Variants in PKNOX2 observed in about 807,000 individuals in gnomAD.
PKNOX2 encodes homeobox protein PKNOX2.
PKNOX2 carries 14 observed loss-of-function variants against 53.1 expected under a neutral mutation model. The observed-to-expected ratio is 0.26, with a 90% confidence interval of 0.17 to 0.41. PKNOX2 has a LOEUF of 0.41. Ranked by LOEUF, PKNOX2 falls within the 10% of genes least tolerant of loss-of-function variation. PKNOX2 has a pLI of 1.00. For missense variants in PKNOX2, 496 were observed against 602.8 expected (o/e 0.82, Z 1.85); for synonymous variants, 257 against 242.8 (o/e 1.06, Z -0.54).
intron 2 of PKNOX2, among the ~76,000 whole-genome samples, chr11:125,241,543 G>C (rs192149161): frequency 6.6e-6 from 1 of 152,140 alleles, no homozygotes; most frequent in Non-Finnish European, 1.5e-5. Flanking sequence ...GTCATAACAG[G>C]CACCCTACAA....
At chr11:125,302,203 G>A (rs890387316) in intron 2 of PKNOX2, among the ~76,000 whole-genome samples, 3 of 152,208 alleles carry the variant, frequency 2.0e-5, no homozygotes, top group Non-Finnish European at 4.4e-5. Context: ...GGGAGCTGCA[G>A]CATCGCAGGC....
At chr11:125,309,886 G>A (rs766033870) in intron 2 of PKNOX2, among the ~76,000 whole-genome samples, 2 of 152,158 alleles carry the variant, frequency 1.3e-5, no homozygotes, top group African/African-American at 4.8e-5. Flanking sequence ...ACAGTATAAA[G>A]CTGGTTACTT....
chr11:125,323,448 A>G (rs1434421771), intron 2 of PKNOX2, among the ~76,000 whole-genome samples: 1 of 152,146 alleles, frequency 6.6e-6, no homozygotes, highest in African/African-American at 2.4e-5. Context: ...GGAGCTGGTT[A>G]TGACTGAAAC....
intron 1 of PKNOX2, among the ~76,000 whole-genome samples, chr11:125,203,361 C>A (rs181514882): frequency 1.3e-5 from 2 of 152,350 alleles, no homozygotes; most frequent in African/African-American, 4.8e-5. Flanking sequence ...TCCTGCCTGG[C>A]CTCCCAAGTA....
At chr11:125,215,993 C>T (rs182026420) in intron 1 of PKNOX2, among the ~76,000 whole-genome samples, 25 of 152,348 alleles carry the variant, frequency 1.6e-4, no homozygotes, top group African/African-American at 6.0e-4. Flanking sequence ...TCCATGCTTG[C>T]TGCTGACTTG....
At chr11:125,305,431 A>G (rs879722686) in intron 2 of PKNOX2, among the ~76,000 whole-genome samples, 1 of 152,164 alleles carries the variant, frequency 6.6e-6, no homozygotes, top group Non-Finnish European at 1.5e-5. Flanking sequence ...GAACTCCCTG[A>G]ACCCCTTCAT....
chr11:125,322,662 G>A (rs753925352), intron 2 of PKNOX2, among the ~76,000 whole-genome samples: 17 of 152,300 alleles, frequency 1.1e-4, no homozygotes, highest in Middle Eastern at 6.8e-3. Flanking sequence ...CAGATACTTG[G>A]CTGCAGAGCT....
Position 125,315,303 on chromosome 11 carries a change from GAAAAAAAAAAA to G in PKNOX2, c.-129-16501_-129-16491del, listed in dbSNP as rs534448203. Among the ~76,000 whole-genome samples, 361 of 79,444 alleles carry G rather than the reference GAAAAAAAAAAA, an allele frequency of 4.5e-3. 2 individuals carry two copies. Among genetic ancestry groups the G allele is most frequent in the African/African-American group, 0.012 (306 of 25,716 alleles). 52.1% of individuals were successfully genotyped at this position (79,444 alleles called of 152,430 possible). ...ATTCACTTTACTGTTTGTGAAGCAG[GAAAAAAAAAAA>G]AAAAAAAAAAAAAACACCTCTCTCT... On this transcript the variant is annotated intron_variant, in intron 2 of 12. Coordinates refer to ENST00000298282, the MANE Select transcript of PKNOX2 (RefSeq NM_001382323.2).
intron 1 of PKNOX2, among the ~76,000 whole-genome samples, chr11:125,196,950 C>G (rs1350761539): frequency 6.6e-6 from 1 of 152,190 alleles, no homozygotes; most frequent in Non-Finnish European, 1.5e-5. Context: ...TCCCTGGGAT[C>G]ACTGGATTTT....
chr11:125,388,508 C>A (rs1953803963), intron 6 of PKNOX2, among the ~76,000 whole-genome samples: 1 of 152,066 alleles, frequency 6.6e-6, no homozygotes, highest in Admixed American at 6.5e-5. Context: ...CTTTCCTTTG[C>A]CCTTGAATAT....
At chr11:125,179,493 G>A (rs1956031629) in intron 1 of PKNOX2, among the ~76,000 whole-genome samples, 1 of 148,502 alleles carries the variant, frequency 6.7e-6, no homozygotes, top group African/African-American at 2.5e-5. Context: ...GTCCCAGGCA[G>A]GGGGAGCATA....
intron 6 of PKNOX2, among the ~76,000 whole-genome samples, chr11:125,396,500 A>G (rs1033399296): frequency 2.0e-5 from 3 of 151,800 alleles, no homozygotes; most frequent in Non-Finnish European, 2.9e-5. Context: ...GGCAATATTT[A>G]TCATAATCCA....
chr11:125,203,259 A>G lies in PKNOX2; in HGVS notation c.-200-31786A>G, dbSNP rs193218726. 5.8e-3 allele frequency among the ~76,000 whole-genome samples: 875 copies of G among 152,166 alleles called. 8 individuals carry two copies. The highest frequency in any genetic ancestry group is 0.02 in the African/African-American group (828 of 41,530). On this transcript the variant is annotated intron_variant, in intron 1 of 12. Coordinates refer to ENST00000298282, the MANE Select transcript of PKNOX2 (RefSeq NM_001382323.2). The stretch of plus-strand genomic sequence containing the variant: ...CAGACTCGCGAGTAGCTCAGACCAC[A>G]AGTGCGCTAATTTAAAATTTTTTGG...
rs185099119 is a variant in PKNOX2, at chr11:125,401,376, G to A, written c.588+3314G>A. 9.0e-4 allele frequency among the ~76,000 whole-genome samples: 137 copies of A among 152,286 alleles called. 1 individual carries two copies. Among genetic ancestry groups the A allele is most frequent in the Non-Finnish European group, 1.2e-3 (83 of 68,016 alleles). On this transcript the variant is annotated intron_variant, in intron 7 of 12. Transcript: ENST00000298282. ...GTGCGCAGCCAGGGTACGAGGAGGC[G>A]GGAAAGTCAGGAGGATGTGCTATGT...
At chr11:125,334,149 T>C (rs562399660) in intron 3 of PKNOX2, among the ~76,000 whole-genome samples, 1 of 152,122 alleles carries the variant, frequency 6.6e-6, no homozygotes, top group South Asian at 2.1e-4. Context: ...AAATCAAGAG[T>C]TCTGGACTCC....
intron 5 of PKNOX2, among the ~76,000 whole-genome samples, chr11:125,380,326 T>A (rs1243449492): frequency 6.6e-6 from 1 of 152,154 alleles, no homozygotes; most frequent in Admixed American, 6.5e-5. Context: ...CTGACGAGGC[T>A]CAAACGCTCA....
Position 125,343,050 on chromosome 11 carries a change from G to T in PKNOX2, c.-22-8234G>T, listed in dbSNP as rs147701667. 7.3e-3 allele frequency among the ~76,000 whole-genome samples: 1,107 copies of T among 151,872 alleles called. 13 individuals carry two copies. The highest frequency in any genetic ancestry group is 0.025 in the African/African-American group (1,043 of 41,392). On this transcript the variant is annotated intron_variant, in intron 3 of 12. Transcript: ENST00000298282. ...TTAGAAGGTTCCAAGGGGGCCACAG[G>T]CTGGGGGAGGGAGTTGGCTCAGAGC...
At chr11:125,336,507 C>G (rs566234195) in intron 3 of PKNOX2, among the ~76,000 whole-genome samples, 1 of 148,854 alleles carries the variant, frequency 6.7e-6, no homozygotes, top group African/African-American at 2.5e-5. Flanking sequence ...CATATATACA[C>G]CATATATAAT....
At chr11:125,200,746 G>A (rs1938342162) in intron 1 of PKNOX2, among the ~76,000 whole-genome samples, 3 of 152,208 alleles carry the variant, frequency 2.0e-5, no homozygotes, top group African/African-American at 4.8e-5. Context: ...CCCATGAGAC[G>A]TGCTCCAGGA....
Sources: allele counts gnomAD v4.1 joint callset (sites outside exome capture counted in the v4.1 genomes callset), GRCh38; gene constraint gnomAD v4.1.1; transcripts MANE v1.5; gene names NCBI Gene and HGNC (gene_info 2026-07-23, HGNC 2026-07-21).